LINGO2: variants seen among roughly 807,000 people sequenced by gnomAD.
LINGO2 encodes the protein leucine-rich repeat and immunoglobulin-like domain-containing nogo receptor-interacting protein 2.
Under a neutral mutation model 30.6 loss-of-function variants are expected in LINGO2, and 14 were observed. The ratio of observed to expected loss-of-function variants is 0.46; its 90% CI spans 0.30 to 0.72. LINGO2 has a LOEUF of 0.72. LINGO2 is among the 30% of genes least tolerant of loss of function. The pLI is 0.07. For missense variants in LINGO2, 729 were observed against 751.7 expected, an observed-to-expected ratio of 0.97 and a Z score of 0.35; for synonymous variants, 317 against 288.5, an observed-to-expected ratio of 1.10 and a Z score of -1.00.
chr9:28,189,641 AAGGGAGGG>A (rs369984902), intron 4 of LINGO2, among the ~76,000 whole-genome samples: 124 of 8,562 alleles, frequency 0.014, 13 homozygotes, highest in East Asian at 0.049. Flanking sequence ...GGGAGGAAGG[AAGGGAGGG>A]AGGAAGGAAG....
At chr9:28,617,302 C>CTTTTTTTTTTATTTTTTTTTTTTTTTT in intron 1 of LINGO2, among the ~76,000 whole-genome samples, 1 of 147,164 alleles carries the variant, frequency 6.8e-6, no homozygotes, top group African/African-American at 2.5e-5. Context: ...CTTTTCTTTT[C>CTTTTTTTTTTATTTTTTTTTTTTTTTT]TTTTTTTTTT....
At chr9:28,509,686 A>T (rs1820292645) in intron 1 of LINGO2, among the ~76,000 whole-genome samples, 1 of 152,160 alleles carries the variant, frequency 6.6e-6, no homozygotes, top group Non-Finnish European at 1.5e-5. Context: ...AAGAGAAGAG[A>T]GATGACAGCC....
intron 3 of LINGO2, among the ~76,000 whole-genome samples, chr9:28,366,256 T>G (rs1820670971): frequency 1.3e-5 from 2 of 152,178 alleles, no homozygotes; most frequent in Non-Finnish European, 2.9e-5. Context: ...GAACATTACT[T>G]AGTTTACTTA....
intron 4 of LINGO2, among the ~76,000 whole-genome samples, chr9:28,154,144 G>T (rs1828070969): frequency 1.3e-5 from 2 of 152,188 alleles, no homozygotes; most frequent in South Asian, 4.2e-4. Context: ...CTATCTTTTT[G>T]GGTGATAGAG....
chr9:28,186,819 C>G (rs184670672), intron 4 of LINGO2, among the ~76,000 whole-genome samples: 1 of 151,886 alleles, frequency 6.6e-6, no homozygotes, highest in African/African-American at 2.4e-5. Flanking sequence ...ACCAGGGTGC[C>G]GGAGCAGATC....
At chr9:28,528,547 C>T (rs1048493165) in intron 1 of LINGO2, among the ~76,000 whole-genome samples, 1 of 152,082 alleles carries the variant, frequency 6.6e-6, no homozygotes, top group African/African-American at 2.4e-5. Context: ...CAGTCATGCT[C>T]TCTAATTGAA....
At chr9:28,312,753 T>G (rs1824681220) in intron 3 of LINGO2, among the ~76,000 whole-genome samples, 1 of 152,120 alleles carries the variant, frequency 6.6e-6, no homozygotes, top group Non-Finnish European at 1.5e-5. Context: ...ATAAAATCAG[T>G]AGTGGCTTAT....
chr9:28,081,957 A>G (rs1192563323), intron 4 of LINGO2, among the ~76,000 whole-genome samples: 2 of 152,212 alleles, frequency 1.3e-5, no homozygotes, highest in Admixed American at 6.5e-5. Flanking sequence ...CATTATTTTC[A>G]GGCAAATAGC....
At chr9:28,404,620 T>A (rs1445606651) in intron 2 of LINGO2, among the ~76,000 whole-genome samples, 1 of 152,174 alleles carries the variant, frequency 6.6e-6, no homozygotes, top group East Asian at 1.9e-4. Context: ...AGGCTAAATG[T>A]TGCCTCTCCC....
At chr9:28,552,799 G>C (rs1822374648) in intron 1 of LINGO2, among the ~76,000 whole-genome samples, 1 of 145,802 alleles carries the variant, frequency 6.9e-6, no homozygotes, top group South Asian at 2.2e-4. Context: ...TAGACATTTT[G>C]CTTTTCATTC....
chr9:28,308,888 T>C (rs1449226646), intron 3 of LINGO2, among the ~76,000 whole-genome samples: 1 of 152,124 alleles, frequency 6.6e-6, no homozygotes, highest in Non-Finnish European at 1.5e-5. Flanking sequence ...TGAGATACCA[T>C]CTCACACCAG....
the LINGO2 span, among the ~76,000 whole-genome samples, chr9:28,928,723 T>C: frequency 2.1e-4 from 32 of 152,170 alleles, no homozygotes; most frequent in Middle Eastern, 3.2e-3. Flanking sequence ...GATTCCTAAT[T>C]CTTTTTTTTG....
chr9:29,006,014 C>A, the LINGO2 span, among the ~76,000 whole-genome samples: 1 of 151,766 alleles, frequency 6.6e-6, no homozygotes, highest in Non-Finnish European at 1.5e-5. Flanking sequence ...ATCTCTGTCT[C>A]ACTGTGTTTC....
At chr9:28,056,076 G>T (rs1052768591) in intron 4 of LINGO2, among the ~76,000 whole-genome samples, 1 of 152,170 alleles carries the variant, frequency 6.6e-6, no homozygotes, top group Non-Finnish European at 1.5e-5. Flanking sequence ...AAAAAAGAAA[G>T]GAGCTCCCCG....
the LINGO2 span, among the ~76,000 whole-genome samples, chr9:28,945,494 G>A: frequency 1.1e-4 from 17 of 152,100 alleles, no homozygotes; most frequent in East Asian, 3.9e-4. Flanking sequence ...TAACAGTTAC[G>A]TAATAAAATT....
At chr9:28,540,798 A>G in intron 1 of LINGO2, among the ~76,000 whole-genome samples, 1 of 152,180 alleles carries the variant, frequency 6.6e-6, no homozygotes, top group East Asian at 1.9e-4. Flanking sequence ...TTGCCATCAC[A>G]AAGTATTCTA....
chr9:28,809,694 C>T, the LINGO2 span, among the ~76,000 whole-genome samples: 5 of 143,622 alleles, frequency 3.5e-5, no homozygotes, highest in East Asian at 4.1e-4. Flanking sequence ...TGCAGTGAGC[C>T]GAGATCGTGC....
chr9:28,129,379 T>C lies in LINGO2; in HGVS notation c.-86-116974A>G, dbSNP rs190953633. On this transcript the variant is annotated intron_variant, in intron 4 of 5. Transcript: ENST00000379992. This position sits in a 1 kb window ranked among gnomAD's most constrained non-coding sequence, Gnocchi z 4.0. ...TGTAACTGTGTACTTCCATAGCTCC[T>C]GAGAAGCTGAGGCCCTGACTCATTT... is the stretch of plus-strand genomic sequence containing the variant. Among the ~76,000 whole-genome samples, 137 of 152,296 alleles carry C rather than the reference T, an allele frequency of 9.0e-4. 1 individual carries two copies. The South Asian group carries it at 0.018, about 21-fold the overall frequency.
At chr9:29,039,511 A>G in the LINGO2 span, among the ~76,000 whole-genome samples, 1 of 152,166 alleles carries the variant, frequency 6.6e-6, no homozygotes, top group Non-Finnish European at 1.5e-5. Flanking sequence ...ATGGTGACAC[A>G]CAGCACCATC....
Sources: gnomAD v4.1 joint callset for allele counts (sites outside exome capture counted in the v4.1 genomes callset) on GRCh38, gnomAD v4.1.1 for gene constraint, Gnocchi (gnomAD v3.1) non-coding constraint, MANE v1.5 for transcripts, NCBI Gene and HGNC (gene_info 2026-07-23, HGNC 2026-07-21) for gene names.